The following PBX1 variants were observed in gnomAD, a reference collection of about 807,000 sequenced individuals.
PBX1 encodes the protein pre-B-cell leukemia transcription factor 1.
Under a neutral mutation model 53.4 loss-of-function variants are expected in PBX1, and 6 were observed. That is an observed-to-expected ratio of 0.11 (90% CI 0.06 to 0.22). The LOEUF (loss-of-function observed/expected upper bound fraction) is 0.22. PBX1 is among the 10% of genes least tolerant of loss of function. The probability of loss-of-function intolerance (pLI) is 1.00; values close to 1 mark genes in which losing one functional copy is unlikely to be tolerated. For missense variants in PBX1, 251 were observed against 551.4 expected (o/e 0.46, Z 5.46); for synonymous variants, 204 against 212.3 (o/e 0.96, Z 0.34).
At chr1:164,767,510 A>G (rs1667122098) in intron 2 of PBX1, among the ~76,000 whole-genome samples, 1 of 152,104 alleles carries the variant, frequency 6.6e-6, no homozygotes, top group Non-Finnish European at 1.5e-5. Flanking sequence ...TTCTGCGTCC[A>G]ACTGCACTCT....
chr1:164,871,696 C>G (rs1227654868), intron 2 of PBX1, among the ~76,000 whole-genome samples: 1 of 152,136 alleles, frequency 6.6e-6, no homozygotes, highest in Admixed American at 6.5e-5. Context: ...CTGTGGGGAG[C>G]CTGTGAGGAT....
At chr1:164,702,422 T>TA (rs1279156723) in intron 2 of PBX1, among the ~76,000 whole-genome samples, 1 of 152,186 alleles carries the variant, frequency 6.6e-6, no homozygotes, top group Non-Finnish European at 1.5e-5. Context: ...GTAGAACTGC[T>TA]ATGTTTATAG....
At chr1:164,774,911 G>T (rs1369289342) in intron 2 of PBX1, among the ~76,000 whole-genome samples, 1 of 152,206 alleles carries the variant, frequency 6.6e-6, no homozygotes, top group Admixed American at 6.5e-5. Flanking sequence ...ACACTTCACG[G>T]CTGTAATTCA....
intron 8 of PBX1, among the ~76,000 whole-genome samples, chr1:164,843,571 G>C (rs74118234): frequency 3.3e-5 from 5 of 151,854 alleles, no homozygotes; most frequent in Admixed American, 3.3e-4. Context: ...AAAAAGGGGA[G>C]TGAAAGAGGT....
chr1:164,757,808 T>TTCCAAGG (rs113659816), intron 2 of PBX1, among the ~76,000 whole-genome samples: 130,445 of 151,570 alleles, frequency 0.86, 57,382 homozygotes, highest in Middle Eastern at 0.98. Context: ...CAGTAAAACT[T>TTCCAAGG]TTTATCAACC....
intron 2 of PBX1, among the ~76,000 whole-genome samples, chr1:164,881,502 T>C (rs1571557368): frequency 1.4e-5 from 2 of 147,492 alleles, no homozygotes; most frequent in Non-Finnish European, 3.0e-5. Context: ...CTCCCCATCG[T>C]ATAAATGCCA....
At chr1:164,826,668 G>C (rs907549956) in intron 8 of PBX1, among the ~76,000 whole-genome samples, 7 of 152,172 alleles carry the variant, frequency 4.6e-5, no homozygotes, top group Non-Finnish European at 7.3e-5. Flanking sequence ...GCCTCACAAA[G>C]TACTGGGATT....
At chr1:164,702,887 T>A (rs1312251569) in intron 2 of PBX1, 1 of 152,170 alleles carries the variant, frequency 6.6e-6, no homozygotes, top group Non-Finnish European at 1.5e-5. Flanking sequence ...ACTCTCATGG[T>A]CTTTTGGAGA....
At chr1:164,694,836 T>C (rs1662716639) in intron 2 of PBX1, among the ~76,000 whole-genome samples, 1 of 152,230 alleles carries the variant, frequency 6.6e-6, no homozygotes, top group Non-Finnish European at 1.5e-5. Flanking sequence ...CATTTCTCCT[T>C]CTTCCCATCT....
intron 2 of PBX1, among the ~76,000 whole-genome samples, chr1:164,752,352 G>C (rs1320176675): frequency 6.6e-6 from 1 of 151,940 alleles, no homozygotes; most frequent in Non-Finnish European, 1.5e-5. Flanking sequence ...GTGCATTTCT[G>C]AGTAAAGTAG....
intron 2 of PBX1, among the ~76,000 whole-genome samples, chr1:164,880,403 G>A (rs1291654507): frequency 6.6e-6 from 1 of 152,190 alleles, no homozygotes; most frequent in African/African-American, 2.4e-5. Flanking sequence ...TGTCTGCAAA[G>A]GAAGTATTTC....
intron 2 of PBX1, among the ~76,000 whole-genome samples, chr1:164,660,343 T>C (rs1311065969): frequency 1.3e-5 from 2 of 152,148 alleles, no homozygotes; most frequent in East Asian, 3.9e-4. Context: ...TTGGGGAACT[T>C]ACACTGGGTT....
intron 2 of PBX1, among the ~76,000 whole-genome samples, chr1:164,586,933 T>G (rs1654983892): frequency 6.6e-6 from 1 of 151,946 alleles, no homozygotes; most frequent in African/African-American, 2.4e-5. Flanking sequence ...GTGGCAACAG[T>G]CCACCAGGAT....
At chr1:164,584,067 G>T (rs973863207) in intron 2 of PBX1, among the ~76,000 whole-genome samples, 6 of 152,092 alleles carry the variant, frequency 3.9e-5, no homozygotes, top group African/African-American at 1.4e-4. Flanking sequence ...ACCAGTGCCT[G>T]GTATATATAT....
intron 2 of PBX1, among the ~76,000 whole-genome samples, chr1:164,593,522 T>C (rs1407078349): frequency 6.6e-6 from 1 of 152,150 alleles, no homozygotes; most frequent in African/African-American, 2.4e-5. Flanking sequence ...GCTTCAGTGG[T>C]TACCAGTGGC....
chr1:164,653,379 T>A (rs1659954230), intron 2 of PBX1, among the ~76,000 whole-genome samples: 1 of 152,138 alleles, frequency 6.6e-6, no homozygotes. Context: ...TTACAATAAT[T>A]TAGTATGTAA....
At chr1:164,717,901 CAT>C (rs987690027) in intron 2 of PBX1, among the ~76,000 whole-genome samples, 1 of 152,156 alleles carries the variant, frequency 6.6e-6, no homozygotes, top group African/African-American at 2.4e-5. Context: ...TCTATAATAA[CAT>C]AATAATAACA....
chr1:164,650,293 A>G (rs1334376803), intron 2 of PBX1, among the ~76,000 whole-genome samples: 2 of 145,024 alleles, frequency 1.4e-5, no homozygotes, highest in Non-Finnish European at 3.0e-5. Context: ...CACTGGCGTG[A>G]TCTTGGCTTA....
In PBX1 at chr1:164,656,810, T is replaced by C. The variant is rs146520445; in HGVS notation, c.265+93499T>C. Among the ~76,000 whole-genome samples the C allele has an allele frequency of 3.3e-3, 506 of 152,246 alleles. 2 individuals carry two copies. Among genetic ancestry groups the C allele is most frequent in the African/African-American group, 0.011 (465 of 41,560 alleles). ...CAGTTCTGCTACAGGTATTCTTATG[T>C]TATATAAATGATATTATAATATCCT... is the stretch of plus-strand genomic sequence containing the variant. On this transcript the variant is annotated intron_variant, in intron 2 of 8. Coordinates refer to ENST00000420696, the MANE Select transcript of PBX1 (RefSeq NM_002585.4).
Sources: allele counts gnomAD v4.1 joint callset (sites outside exome capture counted in the v4.1 genomes callset), GRCh38; gene constraint gnomAD v4.1.1; transcripts MANE v1.5; gene names NCBI Gene and HGNC (gene_info 2026-07-23, HGNC 2026-07-21).